DNAH14: variants seen among roughly 807,000 people sequenced by gnomAD.
The protein encoded by DNAH14 is axonemal beta dynein heavy chain 14.
Under a neutral mutation model 520.9 loss-of-function variants are expected in DNAH14, and 478 were observed. The ratio of observed to expected loss-of-function variants is 0.92; its 90% CI spans 0.85 to 0.99. DNAH14 has a LOEUF of 0.99. Among genes scored for constraint, DNAH14 ranks in the 50% least tolerant of loss-of-function variants. The pLI is 0.00. For synonymous variants in DNAH14, 1,581 were observed against 1,757.2 expected, an observed-to-expected ratio of 0.90 and a Z score of 2.51; for missense variants, 4,831 against 5,234.5, an observed-to-expected ratio of 0.92 and a Z score of 2.38.
At chr1:224,945,252 A>T (rs1456078331) in intron 1 of DNAH14, among the ~76,000 whole-genome samples, 2 of 151,860 alleles carry the variant, frequency 1.3e-5, no homozygotes, top group East Asian at 3.9e-4. Flanking sequence ...TTGATCTTCC[A>T]TCACGGATAC....
Position 225,144,588 on chromosome 1 carries a change from C to G in DNAH14, c.4700C>G (p.Ala1567Gly). The G allele has an allele frequency of 2.6e-6, 4 of 1,551,434 alleles. No homozygotes were observed. Among genetic ancestry groups the G allele is most frequent in the Non-Finnish European group, 3.5e-6 (4 of 1,146,966 alleles). The stretch of plus-strand genomic sequence containing the variant: ...CTAGGAGGCTGTCCTGCCGGTCCAG[C>G]TGGTACAGGAAAAACTGAGACTGTC... ...LNLGGCPAGP[A>G]GTGKTETVKD... is the part of the protein sequence containing the mutation. The change falls in exon 29 of 86, where the codon GCT becomes GGT. Residue 1567 changes from alanine (A) to glycine (G), a missense_variant. Ala to Gly is a moderately conservative substitution (Grantham distance 60). Coordinates refer to ENST00000682510, the MANE Select transcript of DNAH14 (RefSeq NM_001367479.1).
intron 1 of DNAH14, among the ~76,000 whole-genome samples, chr1:224,948,466 C>A (rs780052990): frequency 6.6e-6 from 1 of 151,612 alleles, no homozygotes; most frequent in Non-Finnish European, 1.5e-5. Flanking sequence ...CTTTATGTTT[C>A]GGAAATTTGT....
At chr1:225,078,475 T>A (rs1027532856) in intron 17 of DNAH14, among the ~76,000 whole-genome samples, 1 of 152,204 alleles carries the variant, frequency 6.6e-6, no homozygotes, top group Admixed American at 6.5e-5. Flanking sequence ...CTTAATAGCA[T>A]CTATTTTATA....
intron 45 of DNAH14, 151 bp from the exon 46 acceptor site, chr1:225,258,970 A>T (rs984714382): frequency 1.2e-5 from 9 of 723,636 alleles, no homozygotes; most frequent in African/African-American, 3.8e-5. Context: ...TCATTTAACC[A>T]CTCTTAACCA....
At chr1:225,214,062 A>C (rs2088884980) in intron 41 of DNAH14, among the ~76,000 whole-genome samples, 1 of 152,112 alleles carries the variant, frequency 6.6e-6, no homozygotes. Flanking sequence ...AATAACTCTT[A>C]TTATTTTGAG....
At chr1:225,339,974 T>C (rs146554422) in intron 68 of DNAH14, among the ~76,000 whole-genome samples, 18 of 152,340 alleles carry the variant, frequency 1.2e-4, no homozygotes, top group African/African-American at 4.3e-4. Flanking sequence ...CAATGTACAC[T>C]GCTCAGGTTA....
intron 17 of DNAH14, among the ~76,000 whole-genome samples, chr1:225,077,228 T>A (rs1239117298): frequency 1.3e-5 from 2 of 152,182 alleles, no homozygotes; most frequent in African/African-American, 4.8e-5. Context: ...TTAATTGACT[T>A]TCTAAGGGTA....
At chr1:224,953,298 G>A (rs1257756111) in intron 2 of DNAH14, among the ~76,000 whole-genome samples, 2 of 151,858 alleles carry the variant, frequency 1.3e-5, no homozygotes, top group East Asian at 3.9e-4. Flanking sequence ...AATTTTTTTT[G>A]TATTTTTAGT....
intron 22 of DNAH14, 79 bp from the exon 23 acceptor site, chr1:225,100,634 C>T (rs747256901): frequency 2.2e-5 from 23 of 1,055,278 alleles, no homozygotes; most frequent in Admixed American, 3.7e-5. Context: ...AACAGTATTC[C>T]GTGGCAATGC....
chr1:225,347,864 G>A (rs923732117), intron 71 of DNAH14, among the ~76,000 whole-genome samples: 2 of 152,058 alleles, frequency 1.3e-5, no homozygotes, highest in Non-Finnish European at 2.9e-5. Flanking sequence ...CTCCAGAAAC[G>A]AGTCCCACAG....
At chr1:225,328,404 G>A (rs964147680) in intron 64 of DNAH14, among the ~76,000 whole-genome samples, 7 of 151,980 alleles carry the variant, frequency 4.6e-5, no homozygotes, top group Non-Finnish European at 8.8e-5. Context: ...TCAACCACAG[G>A]CTTCATGAGA....
intron 34 of DNAH14, among the ~76,000 whole-genome samples, chr1:225,158,230 C>T (rs1380628473): frequency 6.6e-6 from 1 of 151,846 alleles, no homozygotes; most frequent in Non-Finnish European, 1.5e-5. Context: ...TATAGAGTAA[C>T]ATATGTAGTA....
intron 8 of DNAH14, among the ~76,000 whole-genome samples, chr1:224,976,041 T>G (rs1208043705): frequency 6.6e-6 from 1 of 151,820 alleles, no homozygotes; most frequent in African/African-American, 2.4e-5. Context: ...CGGTTTTGAG[T>G]GAGTTTCTTA....
intron 17 of DNAH14, among the ~76,000 whole-genome samples, chr1:225,078,797 T>C (rs1572907050): frequency 5.0e-4 from 31 of 61,644 alleles, no homozygotes; most frequent in African/African-American, 9.3e-4. Context: ...TCTCTCTCTC[T>C]CTCTCTCTCT....
In DNAH14 at chr1:225,080,378, G is replaced by T. The variant is rs1413779068; in HGVS notation, c.2767-1G>T. On this transcript the variant is annotated splice_acceptor_variant, in intron 18 of 85. Transcript: ENST00000682510. LOFTEE classifies it high-confidence loss of function. ...TAGAAAGTCCTACTCTTATTTTTTA[G>T]ATAAGAACTCCTCTTCTGTTATGTG... 2 of 1,516,586 alleles carry T rather than the reference G, an allele frequency of 1.3e-6. No homozygotes were observed. Among genetic ancestry groups the T allele is most frequent in the Admixed American group, 4.4e-5 (2 of 45,412 alleles). The allele number at this position is 1,516,586 out of a possible 1,614,324, so 93.9% of individuals were successfully genotyped here.
Position 224,964,652 on chromosome 1 carries a change from A to G in DNAH14, c.498+43A>G, listed in dbSNP as rs149369758. The G allele has an allele frequency of 7.2e-4, 997 of 1,383,600 alleles. 6 individuals are homozygous for G. The African/African-American group carries it at 0.013, about 18-fold the overall frequency. The allele number at this position is 1,383,600 out of a possible 1,614,324, so 85.7% of individuals were successfully genotyped here. A position where few individuals can be genotyped will look rare whatever the true frequency, so the allele number is the denominator to read the frequency against. On this transcript the variant is annotated intron_variant, in intron 5 of 85. Transcript: ENST00000682510. ...TTAATTTTGATCTTTAAAAATCAAT[A>G]TTGAAATTATATTTTAATTTTTATT...
intron 1 of DNAH14, among the ~76,000 whole-genome samples, chr1:224,948,716 T>C (rs1437809702): frequency 6.6e-6 from 1 of 152,124 alleles, no homozygotes; most frequent in Admixed American, 6.5e-5. Flanking sequence ...CTTGAAGTTA[T>C]GCATTCTATA....
intron 41 of DNAH14, among the ~76,000 whole-genome samples, chr1:225,221,707 A>C (rs2090063799): frequency 6.6e-6 from 1 of 152,136 alleles, no homozygotes; most frequent in African/African-American, 2.4e-5. Context: ...GGAAAGATGC[A>C]AACCTTCTTG....
intron 26 of DNAH14, among the ~76,000 whole-genome samples, chr1:225,123,043 A>C (rs1378514157): frequency 6.6e-6 from 1 of 152,156 alleles, no homozygotes; most frequent in Non-Finnish European, 1.5e-5. Flanking sequence ...CAACATTGAA[A>C]CCTATACTGT....
Sources: allele counts gnomAD v4.1 joint callset (sites outside exome capture counted in the v4.1 genomes callset), GRCh38; gene constraint gnomAD v4.1.1; transcripts MANE v1.5; gene names NCBI Gene and HGNC (gene_info 2026-07-23, HGNC 2026-07-21).